The following BMP1 variants were observed in gnomAD, a reference collection of about 807,000 sequenced individuals.
BMP1 encodes the protein bone morphogenetic protein 1, also known as mammalian tolloid protein.
A neutral mutation model predicts 116.8 loss-of-function variants in BMP1; 63 were observed. The observed-to-expected ratio is 0.54, with a 90% CI of 0.44 to 0.67. The LOEUF (loss-of-function observed/expected upper bound fraction) is 0.67. Ranked by LOEUF, BMP1 falls within the 30% of genes least tolerant of loss-of-function variation. BMP1 has a pLI of 0.00. For synonymous variants in BMP1, 536 were observed against 533.4 expected (o/e 1.00, Z -0.07); for missense variants, 1,183 against 1,358.9 (o/e 0.87, Z 2.04).
chr8:22,173,416 G>A (rs1004237500), intron 1 of BMP1, among the ~76,000 whole-genome samples, 186 bp from the exon 2 acceptor site: 1 of 152,220 alleles, frequency 6.6e-6, no homozygotes, highest in Non-Finnish European at 1.5e-5. Flanking sequence ...GTAAGCATGA[G>A]CTTCCCAAGA....
In BMP1 at chr8:22,179,994, G is replaced by A. The variant is rs905684680; in HGVS notation, c.961+165G>A. Among the ~76,000 whole-genome samples, 5 of 152,054 alleles carry A rather than the reference G, an allele frequency of 3.3e-5. No individual in the cohort carries two copies. The highest frequency in any genetic ancestry group is 2.0e-4 in the Admixed American group (3 of 15,280). On this transcript the variant is annotated intron_variant, in intron 7 of 19. Transcript: ENST00000306385. This position sits in a 1 kb window ranked among gnomAD's most constrained non-coding sequence, Gnocchi z 4.6. Reference sequence around the variant, plus strand: ...GGGCAGTGTCCAAGTGAAGGAGGCCGCTGGGGGTAGGCTCAGGTGGGTGGT... The same window carrying A: ...GGGCAGTGTCCAAGTGAAGGAGGCCACTGGGGGTAGGCTCAGGTGGGTGGT...
chr8:22,208,416 G>A (rs1389593880), intron 18 of BMP1, among the ~76,000 whole-genome samples: 4 of 152,178 alleles, frequency 2.6e-5, no homozygotes, highest in Middle Eastern at 3.2e-3. Context: ...CTAGGAACTC[G>A]CAGTCCAGGA....
In BMP1 at chr8:22,194,633, TG is replaced by T; in HGVS notation, c.1443+44del. On this transcript the variant is annotated intron_variant, in intron 11 of 19. Coordinates refer to ENST00000306385, the MANE Select transcript of BMP1 (RefSeq NM_006129.5). The surrounding 1 kb of genome is among the most constrained non-coding windows in gnomAD (Gnocchi z 4.5). Reference sequence around the variant, plus strand: ...TGATCTGACCTTTGAATCCAGCAGTTGCTCCCTGGGACAGCTGCCTCTCTTT... The same window carrying T: ...TGATCTGACCTTTGAATCCAGCAGTTCTCCCTGGGACAGCTGCCTCTCTTT... 6.2e-7 allele frequency: 1 copy of T among 1,608,612 alleles called. No homozygotes were observed. Among genetic ancestry groups the T allele is most frequent in the Admixed American group, 1.7e-5 (1 of 59,780 alleles).
At position 22,199,213 on chromosome 8, in the gene BMP1, G is replaced by A. The variant is rs775016031; in HGVS notation, c.2107+1793G>A. The A allele has an allele frequency of 2.1e-4, 283 of 1,367,496 alleles. 4 individuals are homozygous for A. In the South Asian group the frequency reaches 2.7e-3, roughly 13 times the overall value. 84.7% of individuals were successfully genotyped at this position (1,367,496 alleles called of 1,614,324 possible). On this transcript the variant is annotated intron_variant, in intron 15 of 19. Coordinates refer to ENST00000306385, the MANE Select transcript of BMP1 (RefSeq NM_006129.5). ...AACCTGCAGAGGACCCCCACTGGGG[G>A]CATCGAGGCTCAGCCCTCAGGGCCC... is the stretch of plus-strand genomic sequence containing the variant.
intron 1 of BMP1, 152 bp downstream of exon 1, chr8:22,165,705 G>C (rs1828075586): frequency 1.1e-6 from 1 of 899,336 alleles, no homozygotes; most frequent in Non-Finnish European, 1.5e-6. Context: ...GGGAGAGGGA[G>C]GGGGATTTGG....
At chr8:22,209,754 AC>A in intron 19 of BMP1, 59 bp downstream of exon 19, 1 of 1,536,456 alleles carries the variant, frequency 6.5e-7, no homozygotes, top group Non-Finnish European at 8.7e-7. Flanking sequence ...ACTGTCCTCC[AC>A]CCTTCTCAGC....
intron 3 of BMP1, 60 bp downstream of exon 3, chr8:22,176,373 G>A (rs1828434737): frequency 1.9e-6 from 3 of 1,563,868 alleles, no homozygotes; most frequent in South Asian, 1.2e-5. Flanking sequence ...CCTTGTGGCA[G>A]CCCTGCCAGG....
At chr8:22,199,046 ACT>A (rs757478959) in intron 15 of BMP1, 2 of 1,353,854 alleles carry the variant, frequency 1.5e-6, no homozygotes, top group South Asian at 2.3e-5. Context: ...GGGGACCGAC[ACT>A]CACATCTATC....
At chr8:22,205,947 C>T (rs1291080898) in intron 16 of BMP1, among the ~76,000 whole-genome samples, 1 of 151,916 alleles carries the variant, frequency 6.6e-6, no homozygotes, top group Non-Finnish European at 1.5e-5. Flanking sequence ...TTGGGTGGAC[C>T]GTTATATGTC....
At chr8:22,200,329 G>C (rs776996350) in intron 15 of BMP1, among the ~76,000 whole-genome samples, 1 of 152,214 alleles carries the variant, frequency 6.6e-6, no homozygotes, top group Non-Finnish European at 1.5e-5. Context: ...CTTTACGCGT[G>C]ACTTTGTATC....
At position 22,201,864 on chromosome 8, in the gene BMP1, C is replaced by T. The variant is rs537101347; in HGVS notation, c.2169C>T (p.Gly723=). The T allele has an allele frequency of 6.2e-7, 1 of 1,613,844 alleles. No individual in the cohort carries two copies. The highest frequency in any genetic ancestry group is 1.1e-5 in the South Asian group (1 of 91,052). Residue 723 remains glycine, a synonymous_variant, in exon 16 of 20, where the codon GGC becomes GGT. Transcript: ENST00000306385. ...AGCAGGACTGCGTCAACACGTTCGG[C>T]AGTTATGAGTGCCAATGCCGCAGTG... ...GCQQDCVNTF[G]SYECQCRSGF...
rs775313530 is a variant in BMP1 at position 22,207,418 on chromosome 8, A to G, written c.2477A>G (p.Lys826Arg). The change falls in exon 18 of 20, where the codon AAG becomes AGG. Residue 826 changes from lysine to arginine, a missense_variant. By Grantham distance (26) the Lys-to-Arg change is conservative. This residue lies in a region of BMP1 where 956 missense variants were observed against 1,135.2 expected (regional missense o/e 0.84). Transcript: ENST00000306385. ...PVLGRFCGSK[K>R]PEPVLATGSR... ...CTCGGCCGCTTCTGTGGGAGCAAGAAGCCCGAGCCCGTCCTGGCCACAGGC... is the reference window on the plus strand; with the variant it reads ...CTCGGCCGCTTCTGTGGGAGCAAGAGGCCCGAGCCCGTCCTGGCCACAGGC... 31 of 1,613,982 alleles carry G rather than the reference A, an allele frequency of 1.9e-5. No homozygotes were observed. Among genetic ancestry groups the G allele is most frequent in the Non-Finnish European group, 1.8e-5 (21 of 1,180,048 alleles).
intron 15 of BMP1, among the ~76,000 whole-genome samples, chr8:22,199,687 A>G (rs1485892172): frequency 6.6e-6 from 1 of 152,104 alleles, no homozygotes; most frequent in Non-Finnish European, 1.5e-5. Flanking sequence ...GGGCCCCCCA[A>G]AGCTTCTAGC....
chr8:22,178,787 C>T (rs767670846), intron 6 of BMP1, among the ~76,000 whole-genome samples: 10 of 152,016 alleles, frequency 6.6e-5, no homozygotes, highest in African/African-American at 1.2e-4. Context: ...AATGGCACCT[C>T]CCTCCTCCTC....
chr8:22,203,552 G>T (rs966828974), intron 16 of BMP1, among the ~76,000 whole-genome samples: 1 of 152,082 alleles, frequency 6.6e-6, no homozygotes, highest in Non-Finnish European at 1.5e-5. Flanking sequence ...GCAAGACTCC[G>T]TTTCAAAAAA....
intron 15 of BMP1, chr8:22,199,395 C>T: frequency 1.6e-6 from 2 of 1,273,762 alleles, no homozygotes; most frequent in Admixed American, 2.6e-5. Context: ...AGGGTGAGTG[C>T]CATCTCCTTG....
At position 22,195,501 on chromosome 8, in the gene BMP1, A is replaced by G. The variant is rs1829056016; in HGVS notation, c.1679A>G (p.Glu560Gly). The change falls in exon 13 of 20, where the codon GAG becomes GGG. Residue 560 changes from glutamate (E) to glycine (G), a missense_variant. Glu to Gly is a moderately conservative substitution (Grantham distance 98). Around this residue, in one of 4 missense-constraint regions of BMP1, gnomAD observed 956 missense variants for 1,135.2 expected, o/e 0.84. Coordinates refer to ENST00000306385, the MANE Select transcript of BMP1 (RefSeq NM_006129.5). ...ECSRPNRGGCEQRCLNTLGSY... is the reference protein window; with the variant it reads ...ECSRPNRGGCGQRCLNTLGSY... ...TCTCGGCCCAACCGCGGGGGCTGTG[A>G]GCAGCGGTGCCTCAACACCCTGGGC... 6.8e-6 allele frequency: 11 copies of G among 1,612,206 alleles called. No homozygotes were observed. The highest frequency in any genetic ancestry group is 8.5e-6 in the Non-Finnish European group (10 of 1,179,656).
At chr8:22,185,832 T>C (rs1384941928) in intron 8 of BMP1, among the ~76,000 whole-genome samples, 3 of 142,798 alleles carry the variant, frequency 2.1e-5, no homozygotes, top group South Asian at 2.3e-4. Flanking sequence ...GTCTTTCTTT[T>C]TTTTTTTTTT....
chr8:22,179,750 G>A lies in BMP1; in HGVS notation c.882G>A (p.Gly294=), dbSNP rs144452503. The A allele has an allele frequency of 1.1e-5, 17 of 1,614,006 alleles. No individual in the cohort carries two copies. The highest frequency in any genetic ancestry group is 1.3e-5 in the African/African-American group (1 of 74,918). ...TTGTCCCCAAGTATGAGGTGAACGG[G>A]GTGAAACCTCCCATTGGCCAAAGGA... The part of the protein sequence containing the change: ...DTIVPKYEVN[G]VKPPIGQRTR... Residue 294 remains glycine, a synonymous_variant, in exon 7 of 20, where the codon GGG becomes GGA. Coordinates refer to ENST00000306385, the MANE Select transcript of BMP1 (RefSeq NM_006129.5). The surrounding 1 kb of genome is among the most constrained non-coding windows in gnomAD (Gnocchi z 4.6).
Sources: gnomAD v4.1 joint callset for allele counts (sites outside exome capture counted in the v4.1 genomes callset) on GRCh38, gnomAD v4.1.1 for gene constraint, gnomAD v4.1.1 regional missense constraint, Gnocchi (gnomAD v3.1) non-coding constraint, MANE v1.5 for transcripts, NCBI Gene and HGNC (gene_info 2026-07-23, HGNC 2026-07-21) for gene names.